Variants in HEPH observed in about 807,000 individuals in gnomAD.
HEPH encodes the protein hephaestin.
A neutral mutation model predicts 80.8 loss-of-function variants in HEPH; 69 were observed. That is an observed-to-expected ratio of 0.85 (90% CI 0.70 to 1.04). The LOEUF is 1.04. Ranked by LOEUF, HEPH falls within the 50% of genes least tolerant of loss-of-function variation. The probability of loss-of-function intolerance (pLI) is 0.00; values close to 1 mark genes in which losing one functional copy is unlikely to be tolerated. For synonymous variants in HEPH, 431 were observed against 322.8 expected, an observed-to-expected ratio of 1.34 and a Z score of -3.60; for missense variants, 1,115 against 891.3, an observed-to-expected ratio of 1.25 and a Z score of -3.20.
chrX:66,166,525 G>A (rs1367699035), intron 1 of HEPH, among the ~76,000 whole-genome samples: 1 of 111,858 alleles, frequency 8.9e-6, no homozygotes, highest in Non-Finnish European at 1.9e-5. Context: ...AGGATTTTAT[G>A]GGTTTTTCAT....
At chrX:66,192,328 T>C (rs1467739495) in intron 7 of HEPH, 30 bp downstream of exon 7, 1 of 1,141,725 alleles carries the variant, frequency 8.8e-7, no homozygotes, top group Admixed American at 2.2e-5. Flanking sequence ...CTCTCTTTAA[T>C]TCTTTAATTG....
chrX:66,203,556 A>G lies in HEPH; in HGVS notation c.2270A>G (p.His757Arg), dbSNP rs768271253. Reference sequence around the variant, plus strand: ...GACCGGAGCTGGGAACGGGAATGGCACAACCAGTCTGAGAAGGACAGGTAA... The same window carrying G: ...GACCGGAGCTGGGAACGGGAATGGCGCAACCAGTCTGAGAAGGACAGGTAA... ...CPDRSWEREW[H>R]NQSEKDSYGY... Residue 757 changes from histidine to arginine, a missense_variant, in exon 13 of 21, where the codon CAC (histidine) becomes CGC (arginine). Around this residue, in one of 3 missense-constraint regions of HEPH, gnomAD observed 716 missense variants for 523.5 expected, o/e 1.37. Coordinates refer to ENST00000343002, the MANE Select transcript of HEPH (RefSeq NM_001367233.3). 1.7e-6 allele frequency: 2 copies of G among 1,209,544 alleles called. No individual in the cohort carries two copies. Among genetic ancestry groups the G allele is most frequent in the Non-Finnish European group, 2.2e-6 (2 of 894,459 alleles).
At chrX:66,223,804 T>C (rs2089758301) in intron 15 of HEPH, among the ~76,000 whole-genome samples, 1 of 112,150 alleles carries the variant, frequency 8.9e-6, no homozygotes, top group Non-Finnish European at 1.9e-5. Flanking sequence ...ACCAAAGGCA[T>C]ATTTTACGTT....
chrX:66,267,261 G>T lies in HEPH; in HGVS notation c.*589G>T, dbSNP rs772302186. 1.4e-3 allele frequency: 153 copies of T among 112,801 alleles called. No individual in the cohort carries two copies. The highest frequency in any genetic ancestry group is 2.4e-3 in the Non-Finnish European group (127 of 53,579). 9.3% of individuals were successfully genotyped at this position (112,801 alleles called of 1,213,427 possible). A position where few individuals can be genotyped will look rare whatever the true frequency, so the allele number is the denominator to read the frequency against. On this transcript the variant is annotated 3_prime_UTR_variant, in exon 21 of 21. Coordinates refer to ENST00000343002, the MANE Select transcript of HEPH (RefSeq NM_001367233.3). The stretch of plus-strand genomic sequence containing the variant: ...GCCATGAGCATGTACAACCTCTGGA[G>T]CTAGAAGCTCCTCAGGAAAGCCAGT...
At chrX:66,177,629 G>C (rs2086870082) in intron 4 of HEPH, among the ~76,000 whole-genome samples, 1 of 111,116 alleles carries the variant, frequency 9.0e-6, no homozygotes, top group Non-Finnish European at 1.9e-5. Context: ...GGTTAATCTT[G>C]CTAATGATCT....
At chrX:66,229,587 C>G (rs1280224936) in intron 15 of HEPH, among the ~76,000 whole-genome samples, 3 of 111,244 alleles carry the variant, frequency 2.7e-5, no homozygotes. Flanking sequence ...ACCTGTTCCC[C>G]AAAAACCTAT....
intron 4 of HEPH, 106 bp from the exon 5 acceptor site, chrX:66,188,253 A>T: frequency 1.8e-6 from 1 of 566,986 alleles, no homozygotes; most frequent in Non-Finnish European, 2.7e-6. Context: ...TTGCTTACAG[A>T]TTCTTAAGAC....
chrX:66,184,144 G>A (rs943989259), intron 4 of HEPH, among the ~76,000 whole-genome samples: 2 of 42,743 alleles, frequency 4.7e-5, no homozygotes, highest in African/African-American at 5.3e-4. Context: ...TTTTGGAATA[G>A]GTGTGGTGTG....
At chrX:66,226,022 A>C (rs967039511) in intron 15 of HEPH, among the ~76,000 whole-genome samples, 1 of 111,488 alleles carries the variant, frequency 9.0e-6, no homozygotes, top group African/African-American at 3.3e-5. Context: ...GTTGTGATCT[A>C]TTGAGAAAGC....
intron 9 of HEPH, among the ~76,000 whole-genome samples, chrX:66,196,847 T>G (rs1393299161): frequency 9.0e-6 from 1 of 111,599 alleles, no homozygotes; most frequent in African/African-American, 3.3e-5. Context: ...TTATTCTACT[T>G]GTGCATATGA....
chrX:66,225,141 G>T (rs751409362), intron 15 of HEPH, among the ~76,000 whole-genome samples: 1 of 111,263 alleles, frequency 9.0e-6, no homozygotes, highest in Admixed American at 9.6e-5. Flanking sequence ...TCCTTCTGAT[G>T]GCCAACCCAC....
intron 15 of HEPH, among the ~76,000 whole-genome samples, chrX:66,224,185 T>C (rs2089779416): frequency 1.8e-5 from 2 of 110,853 alleles, no homozygotes; most frequent in African/African-American, 6.6e-5. Flanking sequence ...TAGAAATTAC[T>C]ATAATATATG....
chrX:66,196,891 G>T (rs1158532560), intron 9 of HEPH, among the ~76,000 whole-genome samples: 2 of 104,611 alleles, frequency 1.9e-5, no homozygotes, highest in Non-Finnish European at 2.0e-5. Context: ...CTACATTTTG[G>T]TGTACTTTTT....
At chrX:66,264,955 G>A (rs1257954718) in intron 20 of HEPH, among the ~76,000 whole-genome samples, 1 of 107,557 alleles carries the variant, frequency 9.3e-6, no homozygotes, top group Non-Finnish European at 1.9e-5. Context: ...TTCCTCATAA[G>A]CTCTCATTTG....
At chrX:66,229,467 G>A (rs2090030021) in intron 15 of HEPH, among the ~76,000 whole-genome samples, 1 of 111,342 alleles carries the variant, frequency 9.0e-6, no homozygotes, top group Non-Finnish European at 1.9e-5. Context: ...GTGGGAGGGA[G>A]GTGAGGGATA....
At chrX:66,232,386 G>A (rs2090185914) in intron 15 of HEPH, among the ~76,000 whole-genome samples, 1 of 111,700 alleles carries the variant, frequency 9.0e-6, no homozygotes, top group South Asian at 3.8e-4. Context: ...AAGGCATACA[G>A]CTTCTCCTGT....
intron 15 of HEPH, among the ~76,000 whole-genome samples, chrX:66,233,091 A>G (rs1353535923): frequency 1.8e-5 from 2 of 112,111 alleles, no homozygotes; most frequent in African/African-American, 6.5e-5. Context: ...GCAGCATATT[A>G]TAAACAACTT....
At chrX:66,206,755 C>A (rs1263111066) in intron 13 of HEPH, among the ~76,000 whole-genome samples, 1 of 110,211 alleles carries the variant, frequency 9.1e-6, no homozygotes, top group African/African-American at 3.3e-5. Context: ...GTGGCTCATG[C>A]CTGTAATCCC....
intron 4 of HEPH, among the ~76,000 whole-genome samples, chrX:66,178,765 A>G (rs1209150159): frequency 3.6e-5 from 4 of 112,179 alleles, no homozygotes; most frequent in South Asian, 3.7e-4. Context: ...GTCTGTTCAT[A>G]TCCTTCGCCC....
Sources: allele counts gnomAD v4.1 joint callset (sites outside exome capture counted in the v4.1 genomes callset), GRCh38; gene constraint gnomAD v4.1.1; regional missense constraint gnomAD v4.1.1; transcripts MANE v1.5; gene names NCBI Gene and HGNC (gene_info 2026-07-23, HGNC 2026-07-21).